CADPS2: variants seen among roughly 807,000 people sequenced by gnomAD.
The protein encoded by CADPS2 is calcium-dependent secretion activator 2.
A neutral mutation model predicts 172.5 loss-of-function variants in CADPS2; 93 were observed. The ratio of observed to expected loss-of-function variants is 0.54; its 90% CI spans 0.46 to 0.64. CADPS2 has a LOEUF of 0.64. Ranked by LOEUF, CADPS2 falls within the 30% of genes least tolerant of loss-of-function variation. CADPS2 has a pLI of 0.00. For missense variants in CADPS2, 1,420 were observed against 1,565.9 expected, an observed-to-expected ratio of 0.91 and a Z score of 1.57; for synonymous variants, 546 against 555.2, an observed-to-expected ratio of 0.98 and a Z score of 0.23.
chr7:122,814,877 C>G (rs899523639), intron 1 of CADPS2, among the ~76,000 whole-genome samples: 9 of 152,110 alleles, frequency 5.9e-5, no homozygotes, highest in African/African-American at 1.9e-4. Context: ...TACATTGTTT[C>G]ATTAAATTTG....
intron 8 of CADPS2, among the ~76,000 whole-genome samples, chr7:122,523,534 T>C (rs2131094114): frequency 6.6e-6 from 1 of 152,262 alleles, no homozygotes; most frequent in East Asian, 1.9e-4. Flanking sequence ...TACGACTGTA[T>C]AAATATGTTA....
intron 20 of CADPS2, among the ~76,000 whole-genome samples, chr7:122,397,326 A>T (rs921707517): frequency 1.3e-5 from 2 of 152,050 alleles, no homozygotes; most frequent in Non-Finnish European, 2.9e-5. Context: ...ATTTGAAAAA[A>T]ATTATAAACC....
chr7:122,471,316 T>C, intron 14 of CADPS2, 59 bp downstream of exon 14: 1 of 1,418,902 alleles, frequency 7.0e-7, no homozygotes, highest in Non-Finnish European at 9.5e-7. Flanking sequence ...AAGCACATTT[T>C]TCTCTCTTTT....
At chr7:122,323,873 T>TATATATA (rs2033167694) in intron 29 of CADPS2, among the ~76,000 whole-genome samples, 2 of 112,548 alleles carry the variant, frequency 1.8e-5, no homozygotes, top group Admixed American at 1.8e-4. Context: ...TATGTATATT[T>TATATATA]TATATATATA....
chr7:122,871,738 C>T (rs987230991), intron 1 of CADPS2, among the ~76,000 whole-genome samples: 1 of 152,100 alleles, frequency 6.6e-6, no homozygotes, highest in African/African-American at 2.4e-5. Context: ...CTTACTTGAT[C>T]ATTCAGTAGC....
intron 1 of CADPS2, among the ~76,000 whole-genome samples, chr7:122,881,026 A>T (rs1822800260): frequency 6.6e-6 from 1 of 152,228 alleles, no homozygotes; most frequent in South Asian, 2.1e-4. Context: ...TAGCACAATC[A>T]GTCAAAAGTG....
intron 5 of CADPS2, among the ~76,000 whole-genome samples, chr7:122,619,100 A>G (rs1341614355): frequency 1.3e-5 from 2 of 152,210 alleles, no homozygotes; most frequent in Admixed American, 6.5e-5. Context: ...AAAGCACAGA[A>G]TAACAATTCA....
intron 2 of CADPS2, among the ~76,000 whole-genome samples, chr7:122,667,090 TG>T (rs2081267700): frequency 6.6e-6 from 1 of 152,206 alleles, no homozygotes; most frequent in Non-Finnish European, 1.5e-5. Context: ...AAGCGTTCCC[TG>T]TTCAATTATT....
chr7:122,864,883 G>A (rs1267413825), intron 1 of CADPS2, among the ~76,000 whole-genome samples: 2 of 152,116 alleles, frequency 1.3e-5, no homozygotes, highest in Non-Finnish European at 2.9e-5. Context: ...GTAAGAAGGG[G>A]GAAGAGACCA....
At chr7:122,511,419 G>A (rs942688876) in intron 9 of CADPS2, among the ~76,000 whole-genome samples, 1 of 152,040 alleles carries the variant, frequency 6.6e-6, no homozygotes, top group Non-Finnish European at 1.5e-5. Flanking sequence ...AGCATGAGGT[G>A]ATCATTTGAC....
chr7:122,618,147 A>G (rs1336866639), intron 5 of CADPS2, among the ~76,000 whole-genome samples: 1 of 151,958 alleles, frequency 6.6e-6, no homozygotes, highest in East Asian at 1.9e-4. Flanking sequence ...AACATTTAAC[A>G]TTATTGAACA....
intron 23 of CADPS2, 45 bp from the exon 24 acceptor site, chr7:122,387,218 A>G: frequency 6.5e-7 from 1 of 1,535,562 alleles, no homozygotes; most frequent in Non-Finnish European, 8.8e-7. Flanking sequence ...TCTGCTATAC[A>G]GCTCACCTGT....
At chr7:122,523,439 T>C (rs1586839683) in intron 8 of CADPS2, among the ~76,000 whole-genome samples, 1 of 152,160 alleles carries the variant, frequency 6.6e-6, no homozygotes, top group East Asian at 1.9e-4. Flanking sequence ...TAACTGGTCA[T>C]TGGCATTCTT....
intron 14 of CADPS2, among the ~76,000 whole-genome samples, chr7:122,453,919 A>T (rs1356338269): frequency 1.3e-5 from 2 of 152,198 alleles, no homozygotes; most frequent in Non-Finnish European, 2.9e-5. Context: ...TGAGTTTATC[A>T]CTAAATTAGG....
At chr7:122,822,571 G>T (rs1584658179) in intron 1 of CADPS2, among the ~76,000 whole-genome samples, 1 of 145,042 alleles carries the variant, frequency 6.9e-6, no homozygotes, top group African/African-American at 2.6e-5. Flanking sequence ...CTGAGCCCAA[G>T]CCAAGCCATC....
chr7:122,576,012 T>C (rs1291596218), intron 7 of CADPS2, among the ~76,000 whole-genome samples: 1 of 152,218 alleles, frequency 6.6e-6, no homozygotes, highest in African/African-American at 2.4e-5. Flanking sequence ...TATTTGGATT[T>C]CACAAGTTTG....
chr7:122,504,291 C>T (rs1018733033), intron 9 of CADPS2, among the ~76,000 whole-genome samples: 1 of 152,118 alleles, frequency 6.6e-6, no homozygotes, highest in Non-Finnish European at 1.5e-5. Context: ...GTGGTCTCCC[C>T]GTGAATCTAA....
intron 1 of CADPS2, among the ~76,000 whole-genome samples, chr7:122,750,358 A>T (rs12540674): frequency 0.24 from 36,167 of 152,058 alleles, 4,870 homozygotes; most frequent in African/African-American, 0.36. Context: ...TACTAAAAAG[A>T]ATCCATTATT....
intron 20 of CADPS2, among the ~76,000 whole-genome samples, chr7:122,402,054 T>C (rs2046022676): frequency 6.6e-6 from 1 of 152,140 alleles, no homozygotes; most frequent in African/African-American, 2.4e-5. Flanking sequence ...CTCCTTAAAA[T>C]AGAAACCGAA....
Sources: gnomAD v4.1 joint callset for allele counts (sites outside exome capture counted in the v4.1 genomes callset) on GRCh38, gnomAD v4.1.1 for gene constraint, MANE v1.5 for transcripts, NCBI Gene and HGNC (gene_info 2026-07-23, HGNC 2026-07-21) for gene names.